The following SDHC variants were observed in gnomAD, a reference collection of about 807,000 sequenced individuals.
SDHC encodes succinate dehydrogenase cytochrome b560 subunit, mitochondrial.
SDHC carries 11 observed loss-of-function variants against 22.6 expected under a neutral mutation model. The observed-to-expected ratio is 0.49, with a 90% confidence interval of 0.31 to 0.81. The LOEUF (loss-of-function observed/expected upper bound fraction) is 0.81. SDHC is among the 30% of genes least tolerant of loss of function. The probability of loss-of-function intolerance (pLI) is 0.05; values close to 1 mark genes in which losing one functional copy is unlikely to be tolerated. For missense variants in SDHC, 160 were observed against 212.0 expected, an observed-to-expected ratio of 0.75 and a Z score of 1.52; for synonymous variants, 80 against 77.8, an observed-to-expected ratio of 1.03 and a Z score of -0.15.
At chr1:161,329,975 A>G (rs1310907993) in intron 3 of SDHC, among the ~76,000 whole-genome samples, 3 of 152,222 alleles carry the variant, frequency 2.0e-5, no homozygotes, top group Non-Finnish European at 2.9e-5. Context: ...CAAATATTTC[A>G]GGACAATGCC....
chr1:161,342,643 A>G (rs903582671), intron 4 of SDHC, among the ~76,000 whole-genome samples: 3 of 151,880 alleles, frequency 2.0e-5, no homozygotes, highest in Non-Finnish European at 2.9e-5. Context: ...CAACCTCTCA[A>G]GTAGCTGGGA....
At chr1:161,327,910 TGCTATAAC>T (rs1671120517) in intron 2 of SDHC, among the ~76,000 whole-genome samples, 1 of 151,952 alleles carries the variant, frequency 6.6e-6, no homozygotes, top group African/African-American at 2.4e-5. Flanking sequence ...TGTTTTCTGT[TGCTATAAC>T]AAGATGGAGT....
At chr1:161,333,045 T>C (rs1259061737) in intron 3 of SDHC, among the ~76,000 whole-genome samples, 2 of 152,246 alleles carry the variant, frequency 1.3e-5, no homozygotes, top group Non-Finnish European at 2.9e-5. Context: ...TTCCATCTTA[T>C]AAACTTACCT....
chr1:161,322,757 G>A (rs1670884364), intron 1 of SDHC, among the ~76,000 whole-genome samples: 1 of 129,710 alleles, frequency 7.7e-6, no homozygotes, highest in Non-Finnish European at 1.7e-5. Flanking sequence ...TGTAGAGATG[G>A]GGTTTTACCA....
At chr1:161,327,002 C>T (rs1405241840) in intron 2 of SDHC, among the ~76,000 whole-genome samples, 3 of 152,140 alleles carry the variant, frequency 2.0e-5, no homozygotes, top group Non-Finnish European at 4.4e-5. Context: ...CAGCTCACTG[C>T]AGCTTCTACC....
In SDHC at chr1:161,333,560, C is replaced by T. The variant is rs368044460; in HGVS notation, c.179+5063C>T. ...CTGGGACTACAGGCATGCGCCACCG[C>T]GCCCAACTAATTTTTCTATTTTTAA... On this transcript the variant is annotated intron_variant, in intron 3 of 5. Coordinates refer to ENST00000367975, the MANE Select transcript of SDHC (RefSeq NM_003001.5). Among the ~76,000 whole-genome samples, 309 of 152,236 alleles carry T rather than the reference C, an allele frequency of 2.0e-3. 1 individual carries two copies. The highest frequency in any genetic ancestry group is 0.01 in the Middle Eastern group (3 of 294).
intron 3 of SDHC, among the ~76,000 whole-genome samples, chr1:161,334,491 T>C (rs1412081623): frequency 1.3e-5 from 2 of 152,182 alleles, no homozygotes; most frequent in African/African-American, 4.8e-5. Flanking sequence ...TTAATAAAAC[T>C]TGTGGGGCAT....
rs540260975 is a variant in SDHC at position 161,323,148 on chromosome 1, G to A, written c.21-466G>A. Among the ~76,000 whole-genome samples, 550 of 151,964 alleles carry A rather than the reference G, an allele frequency of 3.6e-3. 3 individuals are homozygous for A. Among genetic ancestry groups the A allele is most frequent in the African/African-American group, 9.4e-3 (388 of 41,454 alleles). On this transcript the variant is annotated intron_variant, in intron 1 of 5. Coordinates refer to ENST00000367975, the MANE Select transcript of SDHC (RefSeq NM_003001.5). ...TGAGTAGCTGGGATTACAGGCATGC[G>A]CCACCACGCCTGGCTAATTTTTTGT...
chr1:161,352,890 T>C (rs573279055), intron 4 of SDHC, among the ~76,000 whole-genome samples: 146 of 152,192 alleles, frequency 9.6e-4, no homozygotes, highest in Middle Eastern at 3.4e-3. Context: ...GGCAGGAGAA[T>C]TGCTTGAACC....
chr1:161,356,382 T>C (rs1019112792), intron 4 of SDHC, among the ~76,000 whole-genome samples: 4 of 152,018 alleles, frequency 2.6e-5, no homozygotes, highest in African/African-American at 9.7e-5. Context: ...CTACTAAAAA[T>C]ACAAAAATTA....
intron 1 of SDHC, among the ~76,000 whole-genome samples, chr1:161,322,227 G>T (rs116835955): frequency 1.2e-3 from 185 of 152,194 alleles, no homozygotes; most frequent in African/African-American, 4.1e-3. Flanking sequence ...CCACAGTAGG[G>T]GTGCTCAACC....
intron 5 of SDHC, among the ~76,000 whole-genome samples, chr1:161,357,771 T>C (rs995782614): frequency 2.0e-5 from 3 of 152,214 alleles, no homozygotes; most frequent in Admixed American, 6.5e-5. Context: ...ATGACATAAA[T>C]ATTAATTGGT....
intron 1 of SDHC, among the ~76,000 whole-genome samples, chr1:161,318,409 A>C (rs1670707793): frequency 2.0e-5 from 3 of 152,326 alleles, no homozygotes; most frequent in Middle Eastern, 6.8e-3. Flanking sequence ...CCAGCTAGAG[A>C]TGAACAACCA....
At chr1:161,340,786 T>C in intron 4 of SDHC, 131 bp downstream of exon 4, 1 of 744,682 alleles carries the variant, frequency 1.3e-6, no homozygotes, top group Non-Finnish European at 2.5e-6. Flanking sequence ...CTTAAGTTTA[T>C]TGTTCATTCA....
chr1:161,355,962 G>T (rs1000252441), intron 4 of SDHC, among the ~76,000 whole-genome samples: 9 of 146,636 alleles, frequency 6.1e-5, no homozygotes, highest in African/African-American at 2.3e-4. Context: ...TCTAGCCTGG[G>T]CAACAGAGCG....
chr1:161,361,506 A>G (rs978405461), intron 5 of SDHC, among the ~76,000 whole-genome samples: 3 of 152,072 alleles, frequency 2.0e-5, no homozygotes, highest in Non-Finnish European at 4.4e-5. Flanking sequence ...GAAATCAGGC[A>G]TATTATATCT....
intron 3 of SDHC, chr1:161,339,660 G>GTT (rs1395849863): frequency 1.4e-4 from 12 of 87,196 alleles, no homozygotes; most frequent in Non-Finnish European, 1.8e-4. Flanking sequence ...CCTGATACAG[G>GTT]TGTTTTTTTT....
rs140670104 is a variant in SDHC at position 161,340,349 on chromosome 1, T to TTTTGC, written c.180-241_180-240insCTTTG. Reference sequence around the variant, plus strand: ...CAAAAGCTGGTGATTTTTTGTTTTGTTTTGTTTTGTTTTAAGAAAATATTA... The same window carrying TTTTGC: ...CAAAAGCTGGTGATTTTTTGTTTTGTTTTGCTTTGTTTTGTTTTAAGAAAATATTA... On this transcript the variant is annotated intron_variant, in intron 3 of 5. Coordinates refer to ENST00000367975, the MANE Select transcript of SDHC (RefSeq NM_003001.5). Among the ~76,000 whole-genome samples the TTTTGC allele has an allele frequency of 0.12, 17,641 of 151,584 alleles. 1,395 individuals are homozygous for TTTTGC. The highest frequency in any genetic ancestry group is 0.22 in the African/African-American group (8,886 of 41,304).
chr1:161,340,377 T>G (rs1321786212), intron 3 of SDHC, among the ~76,000 whole-genome samples: 1 of 151,478 alleles, frequency 6.6e-6, no homozygotes, highest in African/African-American at 2.4e-5. Context: ...AAATATTACC[T>G]ATTCAGGAGA....
Sources: gnomAD v4.1 joint callset for allele counts (sites outside exome capture counted in the v4.1 genomes callset) on GRCh38, gnomAD v4.1.1 for gene constraint, MANE v1.5 for transcripts, NCBI Gene and HGNC (gene_info 2026-07-23, HGNC 2026-07-21) for gene names.